VSNL1: variants seen among roughly 807,000 people sequenced by gnomAD.
VSNL1 encodes the protein visinin like 1.
In VSNL1, 6 loss-of-function variants were observed where a neutral mutation model predicts 20.4. The ratio of observed to expected loss-of-function variants is 0.29; its 90% confidence interval spans 0.16 to 0.58. The LOEUF (loss-of-function observed/expected upper bound fraction) is 0.58. Among genes scored for constraint, VSNL1 ranks in the 20% least tolerant of loss-of-function variants. VSNL1 has a pLI of 0.90. For synonymous variants in VSNL1, 93 were observed against 86.4 expected (o/e 1.08, Z -0.42); for missense variants, 100 against 234.5 (o/e 0.43, Z 3.75).
intron 2 of VSNL1, among the ~76,000 whole-genome samples, chr2:17,611,142 T>C (rs759326904): frequency 5.9e-5 from 9 of 152,230 alleles, no homozygotes; most frequent in Non-Finnish European, 1.0e-4. Context: ...ACCTGGGTAC[T>C]ATGCTATACA....
chr2:17,642,402 A>G (rs1405840366), intron 2 of VSNL1, among the ~76,000 whole-genome samples: 1 of 143,756 alleles, frequency 7.0e-6, no homozygotes, highest in Admixed American at 7.4e-5. Flanking sequence ...TCCGCCTCCC[A>G]GCTTCACACC....
At chr2:17,551,645 A>G (rs1663538815) in intron 1 of VSNL1, among the ~76,000 whole-genome samples, 1 of 152,196 alleles carries the variant, frequency 6.6e-6, no homozygotes, top group Non-Finnish European at 1.5e-5. Flanking sequence ...CTGGAAGAGG[A>G]CAGGGGAAAG....
intron 3 of VSNL1, among the ~76,000 whole-genome samples, chr2:17,652,928 G>A (rs1367104099): frequency 1.3e-5 from 2 of 152,110 alleles, no homozygotes; most frequent in Non-Finnish European, 1.5e-5. Flanking sequence ...CTTGTGCTGC[G>A]GTCCAGGAAG....
chr2:17,584,747 C>T (rs182796533), intron 1 of VSNL1, among the ~76,000 whole-genome samples: 15 of 152,294 alleles, frequency 9.8e-5, no homozygotes, highest in Admixed American at 3.9e-4. Context: ...GACCTTCAGC[C>T]TGTCTCAGTA....
intron 2 of VSNL1, among the ~76,000 whole-genome samples, chr2:17,605,784 C>A (rs969377549): frequency 6.6e-6 from 1 of 152,190 alleles, no homozygotes; most frequent in Non-Finnish European, 1.5e-5. Context: ...GGCAGGCTGC[C>A]ATACCCTGGG....
At position 17,656,993 on chromosome 2, in the gene VSNL1, T is replaced by C. The variant is rs1666246519; in HGVS notation, c.*1599T>C. 2 of 152,196 alleles carry C rather than the reference T, an allele frequency of 1.3e-5. No homozygotes were observed. Among genetic ancestry groups the C allele is most frequent in the Non-Finnish European group, 2.9e-5 (2 of 68,020 alleles). The allele number at this position is 152,196 out of a possible 1,614,324, so 9.4% of individuals were successfully genotyped here. ...CCATTCTTTATTTGTCTTAGGATCATTACATAACACTAAACTAGGGTCTAA... is the reference window on the plus strand; with the variant it reads ...CCATTCTTTATTTGTCTTAGGATCACTACATAACACTAAACTAGGGTCTAA... On this transcript the variant is annotated 3_prime_UTR_variant, in exon 4 of 4. Transcript: ENST00000295156.
chr2:17,585,757 A>G (rs1664458463), intron 1 of VSNL1, among the ~76,000 whole-genome samples: 1 of 152,004 alleles, frequency 6.6e-6, no homozygotes, highest in African/African-American at 2.4e-5. Context: ...CCTACAGGCA[A>G]ATCTTTTCAA....
At position 17,649,016 on chromosome 2, in the gene VSNL1, T is replaced by C. The variant is rs1666063155; in HGVS notation, c.163-394T>C. On this transcript the variant is annotated intron_variant, in intron 2 of 3. Coordinates refer to ENST00000295156, the MANE Select transcript of VSNL1 (RefSeq NM_003385.5). This position sits in a 1 kb window ranked among gnomAD's most constrained non-coding sequence, Gnocchi z 6.4. ...GGGCAGCGATGAAGCCAGATTCTCA[T>C]ATCTAGAGGAACATTGAAGTTCGTG... 6.6e-6 allele frequency among the ~76,000 whole-genome samples: 1 copy of C among 152,120 alleles called. No individual in the cohort carries two copies. The highest frequency in any genetic ancestry group is 1.9e-4 in the East Asian group (1 of 5,188).
intron 1 of VSNL1, among the ~76,000 whole-genome samples, chr2:17,560,047 A>C (rs985243047): frequency 6.6e-6 from 1 of 151,864 alleles, no homozygotes; most frequent in Admixed American, 6.6e-5. Context: ...TTCAGAAATT[A>C]AAATTAGAAA....
chr2:17,639,981 G>A (rs1386822843), intron 2 of VSNL1, among the ~76,000 whole-genome samples: 2 of 152,226 alleles, frequency 1.3e-5, no homozygotes, highest in Admixed American at 6.5e-5. Context: ...GGGTGTGTTG[G>A]CTTGCACCTG....
chr2:17,591,863 C>T (rs1664599397), intron 1 of VSNL1, among the ~76,000 whole-genome samples: 1 of 152,032 alleles, frequency 6.6e-6, no homozygotes, highest in African/African-American at 2.4e-5. Flanking sequence ...GTGAATGCTA[C>T]AGCCCTTGGA....
intron 2 of VSNL1, among the ~76,000 whole-genome samples, chr2:17,636,796 A>G (rs893978952): frequency 2.6e-5 from 4 of 151,960 alleles, no homozygotes; most frequent in Non-Finnish European, 5.9e-5. Flanking sequence ...TTTGTGGCTC[A>G]TGATATCTTT....
intron 1 of VSNL1, among the ~76,000 whole-genome samples, chr2:17,548,473 A>G (rs1195630143): frequency 1.3e-5 from 2 of 152,182 alleles, no homozygotes; most frequent in Non-Finnish European, 2.9e-5. Flanking sequence ...GAGTAGGGTT[A>G]TTGTTCTAAT....
intron 2 of VSNL1, among the ~76,000 whole-genome samples, chr2:17,629,922 C>T (rs997815455): frequency 3.0e-4 from 45 of 152,278 alleles, no homozygotes; most frequent in Middle Eastern, 3.4e-3. Context: ...GGGTCCCAGG[C>T]TTTTTATGGA....
intron 2 of VSNL1, among the ~76,000 whole-genome samples, chr2:17,640,252 C>CAA (rs60583462): frequency 0.015 from 1,518 of 98,734 alleles, 15 homozygotes; most frequent in Non-Finnish European, 0.021. Flanking sequence ...GACTCTGTTT[C>CAA]AAAAAAAAAA....
At position 17,540,849 on chromosome 2, in the gene VSNL1, A is replaced by C. The variant is rs1329939112; in HGVS notation, c.-75A>C. On this transcript the variant is annotated 5_prime_UTR_variant, in exon 1 of 4. Coordinates refer to ENST00000295156, the MANE Select transcript of VSNL1 (RefSeq NM_003385.5). ...CGGCTTAAGCGTTTACCCGAATTAA[A>C]TATATATTTTTAAAAAGAACTGTTG... 6.6e-6 allele frequency: 1 copy of C among 152,628 alleles called. No homozygotes were observed. The highest frequency in any genetic ancestry group is 1.5e-5 in the Non-Finnish European group (1 of 68,048). 9.5% of individuals were successfully genotyped at this position (152,628 alleles called of 1,614,324 possible). A position where few individuals can be genotyped will look rare whatever the true frequency, so the allele number is the denominator to read the frequency against.
chr2:17,652,877 C>T (rs1338516580), intron 3 of VSNL1, among the ~76,000 whole-genome samples: 3 of 152,320 alleles, frequency 2.0e-5, no homozygotes, highest in African/African-American at 7.2e-5. Flanking sequence ...CAATTGTTGT[C>T]TCCTCCAGTT....
intron 1 of VSNL1, among the ~76,000 whole-genome samples, chr2:17,569,805 A>G (rs1395575814): frequency 1.3e-5 from 2 of 152,246 alleles, no homozygotes; most frequent in African/African-American, 4.8e-5. Flanking sequence ...ACAAGAAATT[A>G]CTGAAAACAG....
At chr2:17,559,789 A>G (rs62131508) in intron 1 of VSNL1, among the ~76,000 whole-genome samples, 4,458 of 152,240 alleles carry the variant, frequency 0.029, 64 homozygotes, top group Middle Eastern at 0.054. Context: ...ATCCTTCCTC[A>G]TCATAGAAAA....
Sources: allele counts gnomAD v4.1 joint callset (sites outside exome capture counted in the v4.1 genomes callset), GRCh38; gene constraint gnomAD v4.1.1; non-coding constraint Gnocchi (gnomAD v3.1); transcripts MANE v1.5; gene names NCBI Gene and HGNC (gene_info 2026-07-23, HGNC 2026-07-21).